The following BBS9 variants were observed in gnomAD, a reference collection of about 807,000 sequenced individuals.
BBS9 encodes Bardet-Biedl syndrome 9.
Under a neutral mutation model 117.7 loss-of-function variants are expected in BBS9, and 89 were observed. The ratio of observed to expected loss-of-function variants is 0.76; its 90% CI spans 0.64 to 0.90. The LOEUF (loss-of-function observed/expected upper bound fraction) is 0.90. Among genes scored for constraint, BBS9 ranks in the 40% least tolerant of loss-of-function variants. The pLI, the probability that BBS9 is intolerant of heterozygous loss-of-function variation, is 0.00. For missense variants in BBS9, 982 were observed against 1,042.2 expected (o/e 0.94, Z 0.80); for synonymous variants, 379 against 370.9 (o/e 1.02, Z -0.25).
chr7:33,389,713 A>G (rs1277036897), intron 19 of BBS9, among the ~76,000 whole-genome samples: 1 of 136,608 alleles, frequency 7.3e-6, no homozygotes, highest in African/African-American at 2.6e-5. Flanking sequence ...AAAAAAAAAA[A>G]AATTCATGGT....
chr7:33,598,128 A>AG (rs1428824754), intron 21 of BBS9, among the ~76,000 whole-genome samples: 2 of 151,890 alleles, frequency 1.3e-5, no homozygotes, highest in East Asian at 3.9e-4. Flanking sequence ...TCTCTCCTTC[A>AG]GGGGCCTCTC....
intron 9 of BBS9, among the ~76,000 whole-genome samples, chr7:33,313,065 G>GCA (rs1809654026): frequency 2.1e-5 from 3 of 142,274 alleles, no homozygotes; most frequent in African/African-American, 2.8e-5. Context: ...GTGTGTGTGT[G>GCA]CGCGCACAGG....
intron 7 of BBS9, among the ~76,000 whole-genome samples, chr7:33,269,800 G>A (rs1350484210): frequency 4.6e-5 from 7 of 151,890 alleles, no homozygotes; most frequent in South Asian, 2.1e-4. Flanking sequence ...CGAGGCAGGC[G>A]GATCACGAGG....
At chr7:33,332,407 T>C (rs13236310) in intron 9 of BBS9, among the ~76,000 whole-genome samples, 1 of 152,012 alleles carries the variant, frequency 6.6e-6, no homozygotes, top group Non-Finnish European at 1.5e-5. Flanking sequence ...AGGCCAGGTG[T>C]GGGGCTCACG....
chr7:33,301,687 C>T (rs867039427), intron 9 of BBS9, among the ~76,000 whole-genome samples: 22 of 152,076 alleles, frequency 1.4e-4, no homozygotes, highest in African/African-American at 5.3e-4. Context: ...TTGATGGACA[C>T]TTAGTTTGCT....
chr7:33,185,653 A>G (rs1798709318), intron 5 of BBS9, among the ~76,000 whole-genome samples: 2 of 152,142 alleles, frequency 1.3e-5, no homozygotes, highest in South Asian at 4.2e-4. Flanking sequence ...TTAATTGGAA[A>G]GCTTCCCTGG....
intron 1 of BBS9, among the ~76,000 whole-genome samples, chr7:33,130,783 A>G (rs1366877799): frequency 6.6e-6 from 1 of 152,158 alleles, no homozygotes; most frequent in Admixed American, 6.5e-5. Context: ...GAATTTTAAA[A>G]AACTTTATTT....
chr7:33,456,645 G>A (rs897822832), intron 19 of BBS9, among the ~76,000 whole-genome samples: 2 of 151,376 alleles, frequency 1.3e-5, no homozygotes. Flanking sequence ...CTATATCCTA[G>A]ATATGGGTAA....
At chr7:33,464,327 T>A (rs1839878129) in intron 19 of BBS9, among the ~76,000 whole-genome samples, 1 of 152,090 alleles carries the variant, frequency 6.6e-6, no homozygotes, top group African/African-American at 2.4e-5. Flanking sequence ...ATTTGGGATT[T>A]CCTGGTTTTC....
intron 21 of BBS9, among the ~76,000 whole-genome samples, chr7:33,628,872 C>T (rs1031223660): frequency 6.6e-6 from 1 of 152,124 alleles, no homozygotes; most frequent in African/African-American, 2.4e-5. Context: ...ATATTACCCA[C>T]AAACAATTGG....
intron 19 of BBS9, among the ~76,000 whole-genome samples, chr7:33,424,289 C>A (rs1018716129): frequency 6.6e-6 from 1 of 152,122 alleles, no homozygotes; most frequent in Non-Finnish European, 1.5e-5. Flanking sequence ...AGAACTCTTC[C>A]TTTTCCAAAG....
intron 5 of BBS9, among the ~76,000 whole-genome samples, chr7:33,212,082 G>A (rs186565658): frequency 6.6e-6 from 1 of 152,222 alleles, no homozygotes; most frequent in East Asian, 1.9e-4. Context: ...TTAGTGTTCT[G>A]TAACCTTCTT....
At chr7:33,606,771 T>C (rs979228828), downstream of BBS9, among the ~76,000 whole-genome samples, 4 of 152,178 alleles carry the variant, frequency 2.6e-5, no homozygotes, top group South Asian at 8.3e-4. Flanking sequence ...AGAGCCACAT[T>C]CGAGGTCCTC....
chr7:33,251,390 G>C (rs1358696105), intron 5 of BBS9, among the ~76,000 whole-genome samples: 1 of 152,078 alleles, frequency 6.6e-6, no homozygotes, highest in Non-Finnish European at 1.5e-5. Context: ...GGTACTAATT[G>C]GTTTACATAA....
At chr7:33,305,048 G>A (rs921984368) in intron 9 of BBS9, among the ~76,000 whole-genome samples, 1 of 151,066 alleles carries the variant, frequency 6.6e-6, no homozygotes, top group African/African-American at 2.4e-5. Context: ...TTGTTCATGT[G>A]TTTATCTGCT....
chr7:33,528,438 C>G (rs1407664446), intron 20 of BBS9, among the ~76,000 whole-genome samples: 2 of 151,730 alleles, frequency 1.3e-5, no homozygotes, highest in Non-Finnish European at 2.9e-5. Flanking sequence ...TTTCCCTATA[C>G]CACTGTAGTT....
chr7:33,511,716 A>G (rs1202499755), intron 20 of BBS9, among the ~76,000 whole-genome samples: 1 of 152,210 alleles, frequency 6.6e-6, no homozygotes, highest in African/African-American at 2.4e-5. Flanking sequence ...ACAAACTGAT[A>G]TGGAAAGAGA....
At chr7:33,355,021 A>T (rs1452357452) in intron 15 of BBS9, among the ~76,000 whole-genome samples, 1 of 152,096 alleles carries the variant, frequency 6.6e-6, no homozygotes, top group East Asian at 1.9e-4. Flanking sequence ...ACACTTAGAG[A>T]ATTCAGTAAG....
At chr7:33,591,729 C>T (rs1428953038) in intron 21 of BBS9, among the ~76,000 whole-genome samples, 2 of 152,046 alleles carry the variant, frequency 1.3e-5, no homozygotes, top group African/African-American at 4.8e-5. Flanking sequence ...AGCAAACCTA[C>T]CACTGTTTTA....
Sources: allele counts gnomAD v4.1 joint callset (sites outside exome capture counted in the v4.1 genomes callset), GRCh38; gene constraint gnomAD v4.1.1; transcripts MANE v1.5; gene names NCBI Gene and HGNC (gene_info 2026-07-23, HGNC 2026-07-21).